The following GFPT1 variants were observed in gnomAD, a reference collection of about 807,000 sequenced individuals.
GFPT1 encodes the protein glutamine--fructose-6-phosphate transaminase 1.
A neutral mutation model predicts 92.0 loss-of-function variants in GFPT1; 40 were observed. The observed-to-expected ratio is 0.43, with a 90% CI of 0.34 to 0.57. The LOEUF is 0.57. Among genes scored for constraint, GFPT1 ranks in the 20% least tolerant of loss-of-function variants. The probability of loss-of-function intolerance (pLI) is 0.02; values close to 1 mark genes in which losing one functional copy is unlikely to be tolerated. For synonymous variants in GFPT1, 269 were observed against 280.6 expected, an observed-to-expected ratio of 0.96 and a Z score of 0.41; for missense variants, 448 against 869.1, an observed-to-expected ratio of 0.52 and a Z score of 6.09.
At chr2:69,376,505 C>T (rs1199981883) in intron 1 of GFPT1, among the ~76,000 whole-genome samples, 1 of 146,604 alleles carries the variant, frequency 6.8e-6, no homozygotes, top group East Asian at 1.9e-4. Flanking sequence ...GGAGACAGAG[C>T]GAGACTCCAT....
intron 15 of GFPT1, 124 bp downstream of exon 15, chr2:69,337,774 C>T (rs1299849152): frequency 4.8e-6 from 4 of 840,038 alleles, no homozygotes; most frequent in Non-Finnish European, 6.1e-6. Flanking sequence ...TAACTGCTAA[C>T]AAAAATAAAA....
chr2:69,355,859 A>G (rs1295714774), intron 7 of GFPT1, among the ~76,000 whole-genome samples: 1 of 152,220 alleles, frequency 6.6e-6, no homozygotes, highest in East Asian at 1.9e-4. Flanking sequence ...TATGTTTCAA[A>G]AAATACAGAA....
At position 69,321,412 on chromosome 2, in the gene GFPT1, T is replaced by C. The variant is rs1305416414; in HGVS notation, c.*4777A>G. 4 of 152,220 alleles carry C rather than the reference T, an allele frequency of 2.6e-5. No individual in the cohort carries two copies. The highest frequency in any genetic ancestry group is 6.5e-5 in the Admixed American group (1 of 15,288). The allele number at this position is 152,220 out of a possible 1,614,324, so 9.4% of individuals were successfully genotyped here. On this transcript the variant is annotated 3_prime_UTR_variant, in exon 20 of 20. Transcript: ENST00000357308. ...AATAAAGTTTTGACATCAGAAATGT[T>C]TACAACTAAAGTAGACATTGATTAC...
chr2:69,344,186 CAAAAAAA>C lies in GFPT1; in HGVS notation c.1105+1711_1105+1717del, dbSNP rs10602884. ...GCAAAGACTCAATATAAAAGCAAAG[CAAAAAAA>C]AAAAAAAAAAAAAAAAGGCAGACCA... On this transcript the variant is annotated intron_variant, in intron 12 of 19. Transcript: ENST00000357308. 4.7e-4 allele frequency among the ~76,000 whole-genome samples: 30 copies of C among 64,500 alleles called. No homozygotes were observed. The Admixed American group carries it at 4.9e-3, about 11-fold the overall frequency. The allele number at this position is 64,500 out of a possible 152,430, so 42.3% of individuals were successfully genotyped here.
chr2:69,357,824 T>C (rs1292646320), intron 6 of GFPT1, among the ~76,000 whole-genome samples: 13 of 152,176 alleles, frequency 8.5e-5, no homozygotes, highest in Non-Finnish European at 1.5e-4. Flanking sequence ...TGCTTTTCTA[T>C]AGAAGTTCAG....
At chr2:69,364,820 C>T (rs1304209945) in intron 3 of GFPT1, among the ~76,000 whole-genome samples, 1 of 151,750 alleles carries the variant, frequency 6.6e-6, no homozygotes. Context: ...CATGGTGAAA[C>T]CCTGTCTCTA....
chr2:69,347,041 C>T (rs189360916), intron 11 of GFPT1, among the ~76,000 whole-genome samples: 42 of 152,210 alleles, frequency 2.8e-4, no homozygotes, highest in African/African-American at 9.4e-4. Context: ...TCCCCAGTCA[C>T]TGAGACTACA....
intron 10 of GFPT1, among the ~76,000 whole-genome samples, chr2:69,349,805 A>C (rs1671163870): frequency 6.6e-6 from 1 of 152,188 alleles, no homozygotes; most frequent in South Asian, 2.1e-4. Flanking sequence ...AAGGCTCCTG[A>C]AATAAGAAGG....
In GFPT1 at chr2:69,387,075, GC is replaced by G; in HGVS notation, c.-5del. Reference sequence around the variant, plus strand: ...TCCCGGCCCCCTTACCACACATGATGCCGGAGACACGGCCCGCGAGGCCAGG... The same window carrying G: ...TCCCGGCCCCCTTACCACACATGATGCGGAGACACGGCCCGCGAGGCCAGG... On this transcript the variant is annotated 5_prime_UTR_variant, in exon 1 of 20. Coordinates refer to ENST00000357308, the MANE Select transcript of GFPT1 (RefSeq NM_001244710.2). 1 of 1,537,706 alleles carries G rather than the reference GC, an allele frequency of 6.5e-7. No homozygotes were observed.
intron 10 of GFPT1, among the ~76,000 whole-genome samples, chr2:69,348,578 T>C (rs563672096): frequency 2.0e-5 from 3 of 152,196 alleles, no homozygotes; most frequent in Non-Finnish European, 2.9e-5. Flanking sequence ...TCAGAAAGCA[T>C]GGTTGTTTCC....
At position 69,373,858 on chromosome 2, in the gene GFPT1, T is replaced by C. The variant is rs1671809010; in HGVS notation, c.115+148A>G. On this transcript the variant is annotated intron_variant, in intron 2 of 19. Transcript: ENST00000357308. The stretch of plus-strand genomic sequence containing the variant: ...ACACTGTTGAGATTACATAAATAAA[T>C]CCTTTAAATATGATAAAAGACAAAA... The C allele has an allele frequency of 1.2e-5, 6 of 510,670 alleles. No homozygotes were observed. The East Asian group carries it at 2.2e-4, about 18-fold the overall frequency. The allele number at this position is 510,670 out of a possible 1,614,324, so 31.6% of individuals were successfully genotyped here.
chr2:69,353,711 T>C (rs1574065879), intron 9 of GFPT1, among the ~76,000 whole-genome samples: 1 of 152,092 alleles, frequency 6.6e-6, no homozygotes, highest in East Asian at 1.9e-4. Context: ...CCTGCCGCTC[T>C]ATAAAAAAGT....
intron 8 of GFPT1, 51 bp from the exon 9 acceptor site, chr2:69,354,363 A>G: frequency 6.8e-7 from 1 of 1,475,074 alleles, no homozygotes. Context: ...ACTCACAAAA[A>G]CAAATCTTTT....
chr2:69,347,959 C>T (rs1671123123), intron 11 of GFPT1, among the ~76,000 whole-genome samples: 1 of 152,126 alleles, frequency 6.6e-6, no homozygotes, highest in African/African-American at 2.4e-5. Context: ...TATAATGTTA[C>T]AAATAACAAA....
At chr2:69,343,790 T>A (rs1356826188) in intron 12 of GFPT1, among the ~76,000 whole-genome samples, 1 of 152,204 alleles carries the variant, frequency 6.6e-6, no homozygotes, top group African/African-American at 2.4e-5. Context: ...TTTGAATAAT[T>A]ATATGTTCTC....
intron 17 of GFPT1, 85 bp from the exon 18 acceptor site, chr2:69,328,523 T>C: frequency 3.2e-6 from 3 of 926,712 alleles, no homozygotes; most frequent in Non-Finnish European, 5.3e-6. Flanking sequence ...ATCTGATATG[T>C]CAAGCCACTG....
At chr2:69,337,763 A>AT (rs1670836132) in intron 15 of GFPT1, 135 bp downstream of exon 15, 1 of 780,766 alleles carries the variant, frequency 1.3e-6, no homozygotes, top group African/African-American at 1.7e-5. Flanking sequence ...TGTGAGTTCT[A>AT]TAACTGCTAA....
intron 13 of GFPT1, among the ~76,000 whole-genome samples, chr2:69,340,494 C>T (rs1340233545): frequency 6.6e-6 from 1 of 152,122 alleles, no homozygotes; most frequent in Non-Finnish European, 1.5e-5. Flanking sequence ...TGTTCCATCA[C>T]TGGAACGTTA....
chr2:69,331,094 T>G (rs915741969), intron 15 of GFPT1, among the ~76,000 whole-genome samples: 1 of 152,218 alleles, frequency 6.6e-6, no homozygotes, highest in Non-Finnish European at 1.5e-5. Flanking sequence ...ATTTTCATTC[T>G]TACTAACTTT....
Sources: gnomAD v4.1 joint callset for allele counts (sites outside exome capture counted in the v4.1 genomes callset) on GRCh38, gnomAD v4.1.1 for gene constraint, MANE v1.5 for transcripts, NCBI Gene and HGNC (gene_info 2026-07-23, HGNC 2026-07-21) for gene names.